The following MCHR2 variants were observed in gnomAD, a reference collection of about 807,000 sequenced individuals.
MCHR2 encodes melanin concentrating hormone receptor 2, also known as melanin-concentrating hormone receptor 2.
Under a neutral mutation model 24.8 loss-of-function variants are expected in MCHR2, and 15 were observed. The observed-to-expected ratio is 0.60, with a 90% CI of 0.40 to 0.93. MCHR2 has a LOEUF of 0.93. Among genes scored for constraint, MCHR2 ranks in the 40% least tolerant of loss-of-function variants. The pLI is 0.00. For synonymous variants in MCHR2, 151 were observed against 147.6 expected (o/e 1.02, Z -0.17); for missense variants, 386 against 408.7 (o/e 0.94, Z 0.48).
chr6:99,943,133 G>A lies in MCHR2; in HGVS notation c.403C>T (p.Leu135Phe), dbSNP rs751372378. 6 of 1,606,712 alleles carry A rather than the reference G, an allele frequency of 3.7e-6. No individual in the cohort carries two copies. The East Asian group carries it at 1.3e-4, about 36-fold the overall frequency. ...CGTGTCAGTCGAAATGGTTGGACGA[G>A]GGCAAAGTACCTGCAAAGGCAGTCA... The part of the protein sequence containing the change: ...TVMSVDRYFA[L>F]VQPFRLTRWR... Residue 135 changes from leucine (L) to phenylalanine (F), a missense_variant, in exon 4 of 6, where the codon CTC becomes TTC. Coordinates refer to ENST00000281806, the MANE Select transcript of MCHR2 (RefSeq NM_001040179.2).
At chr6:99,952,059 C>T (rs1175467304) in intron 2 of MCHR2, among the ~76,000 whole-genome samples, 5 of 151,984 alleles carry the variant, frequency 3.3e-5, no homozygotes, top group Admixed American at 2.6e-4. Flanking sequence ...CAAAGTTGTC[C>T]GTTTATTGAA....
intron 2 of MCHR2, among the ~76,000 whole-genome samples, chr6:99,953,862 A>G (rs989426994): frequency 7.2e-5 from 11 of 152,142 alleles, no homozygotes; most frequent in African/African-American, 1.2e-4. Context: ...TTAAGAGTAG[A>G]ATCCCTATGT....
intron 4 of MCHR2, among the ~76,000 whole-genome samples, chr6:99,937,349 T>C (rs111870817): frequency 6.3e-4 from 96 of 152,082 alleles, no homozygotes; most frequent in Non-Finnish European, 1.2e-3. Flanking sequence ...AAGTATGTCA[T>C]GTATGCCCTT....
intron 5 of MCHR2, among the ~76,000 whole-genome samples, chr6:99,923,444 A>G (rs371104175): frequency 6.6e-6 from 1 of 152,096 alleles, no homozygotes; most frequent in African/African-American, 2.4e-5. Flanking sequence ...ACAGTGGTGA[A>G]AGTGGGCATC....
At chr6:99,991,003 G>C (rs11155193) in intron 1 of MCHR2, among the ~76,000 whole-genome samples, 40,665 of 150,186 alleles carry the variant, frequency 0.27, 6,382 homozygotes, top group East Asian at 0.55. Context: ...AATAATGTTG[G>C]GATGGGACAG....
At chr6:99,959,644 A>G (rs1775139414) in intron 1 of MCHR2, among the ~76,000 whole-genome samples, 1 of 78,962 alleles carries the variant, frequency 1.3e-5, no homozygotes, top group Admixed American at 1.2e-4. Flanking sequence ...AGTTTCAGCA[A>G]AGGGATAGAA....
intron 3 of MCHR2, 98 bp downstream of exon 3, chr6:99,947,664 G>C: frequency 8.6e-7 from 1 of 1,168,434 alleles, no homozygotes; most frequent in Non-Finnish European, 1.2e-6. Flanking sequence ...GAAAACCTCT[G>C]CTGTTATAAA....
chr6:99,952,071 T>C (rs1414064587), intron 2 of MCHR2, among the ~76,000 whole-genome samples: 1 of 152,098 alleles, frequency 6.6e-6, no homozygotes, highest in African/African-American at 2.4e-5. Context: ...TTTATTGAAG[T>C]ATAGGTGATT....
intron 3 of MCHR2, among the ~76,000 whole-genome samples, chr6:99,946,861 T>G (rs1774881678): frequency 6.6e-6 from 1 of 152,146 alleles, no homozygotes; most frequent in Non-Finnish European, 1.5e-5. Context: ...GTACTATGGT[T>G]GTCTTTAGGC....
At chr6:99,982,260 A>G (rs1775682794) in intron 1 of MCHR2, among the ~76,000 whole-genome samples, 1 of 151,862 alleles carries the variant, frequency 6.6e-6, no homozygotes, top group Admixed American at 6.6e-5. Context: ...GCCTCAGTTA[A>G]CGACTCACAT....
rs147091383 is a variant in MCHR2 at position 99,975,612 on chromosome 6, A to G, written c.-28+18324T>C. 8.3e-3 allele frequency among the ~76,000 whole-genome samples: 1,268 copies of G among 152,324 alleles called. 15 individuals are homozygous for G. The highest frequency in any genetic ancestry group is 0.029 in the African/African-American group (1,198 of 41,578). On this transcript the variant is annotated intron_variant, in intron 1 of 5. Coordinates refer to ENST00000281806, the MANE Select transcript of MCHR2 (RefSeq NM_001040179.2). ...CCACTGTCTGGCACTCCCTAGTGAG[A>G]TGAACCCGGTGCCTCAGATGGAAAT...
At chr6:99,927,330 G>T (rs1435306451) in intron 5 of MCHR2, among the ~76,000 whole-genome samples, 1 of 152,076 alleles carries the variant, frequency 6.6e-6, no homozygotes, top group Admixed American at 6.5e-5. Flanking sequence ...CTCTTTTTTG[G>T]TTCCATATGA....
chr6:99,965,321 T>C (rs1775275987), intron 1 of MCHR2, among the ~76,000 whole-genome samples: 1 of 152,196 alleles, frequency 6.6e-6, no homozygotes, highest in African/African-American at 2.4e-5. Flanking sequence ...TCAGCTAATA[T>C]GATGTTAACT....
intron 1 of MCHR2, among the ~76,000 whole-genome samples, chr6:99,989,994 T>C (rs1477640387): frequency 6.6e-6 from 1 of 152,216 alleles, no homozygotes; most frequent in Non-Finnish European, 1.5e-5. Flanking sequence ...ATAATCTTTT[T>C]ACATTTCTAA....
At chr6:99,946,471 T>C (rs779976595) in intron 3 of MCHR2, among the ~76,000 whole-genome samples, 11 of 152,164 alleles carry the variant, frequency 7.2e-5, no homozygotes, top group Non-Finnish European at 1.2e-4. Context: ...AAGTCTCACT[T>C]AGAAGGGTGA....
chr6:99,929,932 C>G (rs945979810), intron 5 of MCHR2, among the ~76,000 whole-genome samples: 1 of 150,274 alleles, frequency 6.7e-6, no homozygotes, highest in Non-Finnish European at 1.5e-5. Context: ...TCTTCCTAGC[C>G]TCGACGGTCT....
intron 1 of MCHR2, among the ~76,000 whole-genome samples, chr6:99,989,509 G>C (rs1775828674): frequency 6.6e-6 from 1 of 152,186 alleles, no homozygotes; most frequent in African/African-American, 2.4e-5. Context: ...CTGTAAGTGA[G>C]TGGTAGGGCC....
intron 1 of MCHR2, among the ~76,000 whole-genome samples, chr6:99,967,874 A>G (rs1444151357): frequency 2.0e-5 from 3 of 152,180 alleles, no homozygotes; most frequent in African/African-American, 7.2e-5. Context: ...TCTCTATTTC[A>G]GTGATCTCCA....
intron 1 of MCHR2, among the ~76,000 whole-genome samples, chr6:99,969,489 AAAAG>A (rs778631368): frequency 0.18 from 24,375 of 135,034 alleles, 2,378 homozygotes; most frequent in East Asian, 0.61. Context: ...AAAAAAAAAA[AAAAG>A]AAAAGAAAAC....
Sources: gnomAD v4.1 joint callset for allele counts (sites outside exome capture counted in the v4.1 genomes callset) on GRCh38, gnomAD v4.1.1 for gene constraint, MANE v1.5 for transcripts, NCBI Gene and HGNC (gene_info 2026-07-23, HGNC 2026-07-21) for gene names.